Variants in TMEM266 observed in about 807,000 individuals in gnomAD.
The protein encoded by TMEM266 is transmembrane protein 266.
TMEM266 carries 33 observed loss-of-function variants against 50.5 expected under a neutral mutation model. The ratio of observed to expected loss-of-function variants is 0.65; its 90% CI spans 0.50 to 0.87. The LOEUF (loss-of-function observed/expected upper bound fraction) is 0.87. TMEM266 is among the 40% of genes least tolerant of loss of function. The pLI is 0.00. For missense variants in TMEM266, 655 were observed against 695.1 expected (o/e 0.94, Z 0.65); for synonymous variants, 310 against 292.3 (o/e 1.06, Z -0.62).
chr15:76,095,665 A>G (rs907752713), intron 1 of TMEM266, among the ~76,000 whole-genome samples: 1 of 151,870 alleles, frequency 6.6e-6, no homozygotes, highest in Admixed American at 6.6e-5. Flanking sequence ...TTTTCTATTG[A>G]TCGGAATAGT....
rs183361263 is a variant in TMEM266 at position 76,108,148 on chromosome 15, C to T, written c.-96-26020C>T. Among the ~76,000 whole-genome samples, 130 of 152,380 alleles carry T rather than the reference C, an allele frequency of 8.5e-4. 2 individuals are homozygous for T. The highest frequency in any genetic ancestry group is 3.1e-3 in the African/African-American group (127 of 41,602). ...CCACCCCCAGCTTCTATCTCAGGGT[C>T]ATGCTCTGTCGTGACAACTTGAGCC... On this transcript the variant is annotated intron_variant, in intron 1 of 10. Transcript: ENST00000388942.
chr15:76,197,394 T>G (rs2038671477), intron 9 of TMEM266, among the ~76,000 whole-genome samples: 1 of 152,238 alleles, frequency 6.6e-6, no homozygotes, highest in East Asian at 1.9e-4. Context: ...GCTGGCTTCA[T>G]GGATGCATGA....
rs77322678 is a variant in TMEM266, at chr15:76,153,377, G to A, written c.228-3227G>A. Among the ~76,000 whole-genome samples, 314 of 152,308 alleles carry A rather than the reference G, an allele frequency of 2.1e-3. No individual in the cohort carries two copies. The highest frequency in any genetic ancestry group is 0.017 in the Middle Eastern group (5 of 294). On this transcript the variant is annotated intron_variant, in intron 3 of 10. Transcript: ENST00000388942. This position sits in a 1 kb window ranked among gnomAD's most constrained non-coding sequence, Gnocchi z 4.2. The stretch of plus-strand genomic sequence containing the variant: ...GGTGAACAAATGCCCGGCACCTTCC[G>A]TGGAACGTGAAGACGAGGCTTCCTG...
chr15:76,187,123 C>A (rs1596163882), intron 8 of TMEM266, among the ~76,000 whole-genome samples: 1 of 150,902 alleles, frequency 6.6e-6, no homozygotes, highest in Non-Finnish European at 1.5e-5. Flanking sequence ...ATTGCCCCAC[C>A]ATGGTTTACT....
At chr15:76,116,858 T>C (rs1455817891) in intron 1 of TMEM266, among the ~76,000 whole-genome samples, 1 of 152,206 alleles carries the variant, frequency 6.6e-6, no homozygotes, top group Non-Finnish European at 1.5e-5. Context: ...TCAGCCATTT[T>C]GTTTGAAGTA....
chr15:76,153,636 C>A lies in TMEM266; in HGVS notation c.228-2968C>A, dbSNP rs115735894. Reference sequence around the variant, plus strand: ...AGCAGGCAGAGGGCAGGAGGGGAACCGGCTTCCGGGGGCGCTGAGGCGGCT... The same window carrying A: ...AGCAGGCAGAGGGCAGGAGGGGAACAGGCTTCCGGGGGCGCTGAGGCGGCT... On this transcript the variant is annotated intron_variant, in intron 3 of 10. Transcript: ENST00000388942. The surrounding 1 kb of genome is among the most constrained non-coding windows in gnomAD (Gnocchi z 4.2). Among the ~76,000 whole-genome samples, 1 of 152,002 alleles carries A rather than the reference C, an allele frequency of 6.6e-6. No homozygotes were observed. Among genetic ancestry groups the A allele is most frequent in the Admixed American group, 6.5e-5 (1 of 15,272 alleles).
At chr15:76,145,512 A>G (rs537983594) in intron 3 of TMEM266, among the ~76,000 whole-genome samples, 109 of 152,316 alleles carry the variant, frequency 7.2e-4, no homozygotes, top group African/African-American at 2.4e-3. Context: ...TCCTTCATGT[A>G]TGTTTGGCTA....
intron 1 of TMEM266, chr15:76,114,238 G>C (rs1273768890): frequency 5.3e-5 from 8 of 152,106 alleles, no homozygotes; most frequent in Admixed American, 5.2e-4. Flanking sequence ...TCTTTCTATA[G>C]GCCAGGCACA....
intron 1 of TMEM266, among the ~76,000 whole-genome samples, chr15:76,124,685 G>C (rs2955771): frequency 0.048 from 7,376 of 152,164 alleles, 571 homozygotes; most frequent in African/African-American, 0.16. Context: ...TGTTGTCCCA[G>C]CTACTCTGAA....
intron 9 of TMEM266, among the ~76,000 whole-genome samples, chr15:76,192,383 T>C (rs2038591902): frequency 6.6e-6 from 1 of 152,166 alleles, no homozygotes; most frequent in Non-Finnish European, 1.5e-5. Flanking sequence ...TAGAAATGAC[T>C]CGTCCCCATT....
At chr15:76,077,772 A>G (rs1287120146) in intron 1 of TMEM266, among the ~76,000 whole-genome samples, 3 of 152,086 alleles carry the variant, frequency 2.0e-5, no homozygotes, top group African/African-American at 7.3e-5. Flanking sequence ...AGAGGGAGCT[A>G]GGCCCTCACG....
chr15:76,141,402 A>AT (rs564199687), intron 3 of TMEM266, among the ~76,000 whole-genome samples: 16 of 148,878 alleles, frequency 1.1e-4, no homozygotes, highest in East Asian at 2.0e-4. Flanking sequence ...TGCCCAGCTA[A>AT]TTTTTTTTTT....
chr15:76,192,681 G>C (rs2038598694), intron 9 of TMEM266, among the ~76,000 whole-genome samples: 1 of 152,214 alleles, frequency 6.6e-6, no homozygotes, highest in Admixed American at 6.5e-5. Context: ...CGGTGATGTT[G>C]GTGGAGATGG....
chr15:76,092,542 T>C (rs2036862611), intron 1 of TMEM266, among the ~76,000 whole-genome samples: 1 of 151,680 alleles, frequency 6.6e-6, no homozygotes, highest in Admixed American at 6.6e-5. Context: ...ATACAAAAAT[T>C]AGCCGGGCTT....
chr15:76,097,203 T>C (rs2036934398), intron 1 of TMEM266, among the ~76,000 whole-genome samples: 1 of 152,064 alleles, frequency 6.6e-6, no homozygotes, highest in African/African-American at 2.4e-5. Context: ...AGTTTCTTCA[T>C]AGTGTTGATG....
At chr15:76,193,368 A>G (rs2038610547) in intron 9 of TMEM266, among the ~76,000 whole-genome samples, 1 of 152,066 alleles carries the variant, frequency 6.6e-6, no homozygotes, top group Non-Finnish European at 1.5e-5. Context: ...TCATAGGTGT[A>G]CACCATCTCA....
intron 1 of TMEM266, among the ~76,000 whole-genome samples, chr15:76,095,824 C>T (rs2036913460): frequency 6.6e-6 from 1 of 152,000 alleles, no homozygotes; most frequent in Non-Finnish European, 1.5e-5. Context: ...GATTCGACTT[C>T]TTCCTGGTTT....
At chr15:76,075,631 A>G (rs915563120) in intron 1 of TMEM266, among the ~76,000 whole-genome samples, 6 of 151,940 alleles carry the variant, frequency 3.9e-5, no homozygotes, top group Non-Finnish European at 8.8e-5. Flanking sequence ...CACTTTCTAC[A>G]TGCTTCACAC....
In TMEM266 at chr15:76,183,103, C is replaced by CTTTTTTTTTTTTTTTTTTTTTT. The variant is rs71140199; in HGVS notation, c.768+7438_768+7459dup. Among the ~76,000 whole-genome samples, 3 of 44,168 alleles carry CTTTTTTTTTTTTTTTTTTTTTT rather than the reference C, an allele frequency of 6.8e-5. 1 individual carries two copies. The highest frequency in any genetic ancestry group is 1.1e-4 in the Non-Finnish European group (3 of 26,174). The allele number at this position is 44,168 out of a possible 152,430, so 29.0% of individuals were successfully genotyped here. ...CCTCCAGGCTGCTTCCATTTTGTGG[C>CTTTTTTTTTTTTTTTTTTTTTT]TTTTTTTTTTTTTTTTTTTTTTTTT... On this transcript the variant is annotated intron_variant, in intron 8 of 10. Coordinates refer to ENST00000388942, the MANE Select transcript of TMEM266 (RefSeq NM_152335.3).
Sources: allele counts gnomAD v4.1 joint callset (sites outside exome capture counted in the v4.1 genomes callset), GRCh38; gene constraint gnomAD v4.1.1; non-coding constraint Gnocchi (gnomAD v3.1); transcripts MANE v1.5; gene names NCBI Gene and HGNC (gene_info 2026-07-23, HGNC 2026-07-21).